Variants in LTBP4 observed in about 807,000 individuals in gnomAD.
LTBP4 encodes the protein latent transforming growth factor beta binding protein 4.
In LTBP4, 93 loss-of-function variants were observed where a neutral mutation model predicts 180.2. The observed-to-expected ratio is 0.52, with a 90% CI of 0.44 to 0.61. The LOEUF (loss-of-function observed/expected upper bound fraction) is 0.61. Ranked by LOEUF, LTBP4 falls within the 20% of genes least tolerant of loss-of-function variation. The pLI is 0.00. For synonymous variants in LTBP4, 947 were observed against 934.5 expected (o/e 1.01, Z -0.24); for missense variants, 2,116 against 2,256.5 (o/e 0.94, Z 1.26).
chr19:40,609,541 G>A lies in LTBP4; in HGVS notation c.1438G>A (p.Gly480Ser), dbSNP rs755624885. 1.9e-6 allele frequency: 3 copies of A among 1,613,014 alleles called. No homozygotes were observed. The highest frequency in any genetic ancestry group is 1.3e-5 in the African/African-American group (1 of 75,004). The change falls in exon 10 of 30, where the codon GGC (glycine) becomes AGC (serine). Residue 480 changes from glycine (G) to serine (S), a missense_variant. Around this residue, in one of 5 missense-constraint regions of LTBP4, gnomAD observed 877 missense variants for 873.6 expected, o/e 1.00. Transcript: ENST00000396819. The surrounding 1 kb of genome is among the most constrained non-coding windows in gnomAD (Gnocchi z 4.9). ...PEIPESGPSS[G>S]MCQRNPQVCG... ...ACTGGACCCCCCAGGTCCCTCCTCC[G>A]GCATGTGTCAGCGCAACCCCCAGGT... is the stretch of plus-strand genomic sequence containing the variant.
chr19:40,614,045 G>C lies in LTBP4; in HGVS notation c.2680+7G>C. ...GACCTCGCCTCCTGCCTCGGTGAGAGGCCCCGCCCCGGCCTGATCCCTCCT... is the reference window on the plus strand; with the variant it reads ...GACCTCGCCTCCTGCCTCGGTGAGACGCCCCGCCCCGGCCTGATCCCTCCT... On this transcript the variant is annotated splice_region_variant and intron_variant, in intron 18 of 29. Transcript: ENST00000396819. The C allele has an allele frequency of 6.2e-7, 1 of 1,611,552 alleles. No homozygotes were observed. The highest frequency in any genetic ancestry group is 8.5e-7 in the Non-Finnish European group (1 of 1,179,590).
chr19:40,610,101 T>A, intron 11 of LTBP4: 1 of 563,688 alleles, frequency 1.8e-6, no homozygotes, highest in Non-Finnish European at 3.0e-6. Flanking sequence ...CGGGGCCTGG[T>A]CGCAACTCGT....
In LTBP4 at chr19:40,601,403, C is replaced by G; in HGVS notation, c.16C>G (p.Arg6Gly). Reference sequence around the variant, plus strand: ...CGCTGCAGCCATGGCGGGCGGCGTGCGGCTGCTCTGGGTGTCGCTATTGGT... The same window carrying G: ...CGCTGCAGCCATGGCGGGCGGCGTGGGGCTGCTCTGGGTGTCGCTATTGGT... MAGGV[R>G]LLWVSLLVLL... is the part of the protein sequence containing the mutation. Residue 6 changes from arginine to glycine, a missense_variant, in exon 1 of 30, where the codon CGG (arginine) becomes GGG (glycine). Around this residue, in one of 5 missense-constraint regions of LTBP4, gnomAD observed 469 missense variants for 532.5 expected, o/e 0.88. Coordinates refer to ENST00000396819, the MANE Select transcript of LTBP4 (RefSeq NM_001042545.2). 7.5e-7 allele frequency: 1 copy of G among 1,334,516 alleles called. No homozygotes were observed. The highest frequency in any genetic ancestry group is 1.5e-5 in the African/African-American group (1 of 66,028). 82.7% of individuals were successfully genotyped at this position (1,334,516 alleles called of 1,614,324 possible). A position where few individuals can be genotyped will look rare whatever the true frequency, so the allele number is the denominator to read the frequency against.
intron 1 of LTBP4, among the ~76,000 whole-genome samples, chr19:40,602,552 G>A (rs1392076064): frequency 6.6e-6 from 1 of 152,096 alleles, no homozygotes; most frequent in Non-Finnish European, 1.5e-5. Flanking sequence ...CTGAGCCCCC[G>A]CCCGCTGCCA....
At chr19:40,610,005 C>T in intron 11 of LTBP4, 134 bp downstream of exon 11, 1 of 1,227,176 alleles carries the variant, frequency 8.1e-7, no homozygotes, top group African/African-American at 1.5e-5. Context: ...TGGCCCTTGG[C>T]CCTGCCCTTC....
At chr19:40,626,081 C>T (rs1412518382) in intron 27 of LTBP4, 72 bp downstream of exon 27, 2 of 1,472,202 alleles carry the variant, frequency 1.4e-6, no homozygotes, top group Admixed American at 2.5e-5. Flanking sequence ...CTCAGATCCC[C>T]AGTCGCAGAA....
Position 40,613,342 on chromosome 19 carries a change from T to TG in LTBP4, c.2432-59dup. 1 of 1,570,240 alleles carries TG rather than the reference T, an allele frequency of 6.4e-7. No individual in the cohort carries two copies. Among genetic ancestry groups the TG allele is most frequent in the Non-Finnish European group, 8.6e-7 (1 of 1,159,226 alleles). On this transcript the variant is annotated intron_variant, in intron 16 of 29. Coordinates refer to ENST00000396819, the MANE Select transcript of LTBP4 (RefSeq NM_001042545.2). The surrounding 1 kb of genome is among the most constrained non-coding windows in gnomAD (Gnocchi z 5.0). ...TGGTGGGGGCGGGGTTACTGCGATG[T>TG]GGGCGGAGCTTGTCTGGGAGGCCGG...
rs1181793408 is a variant in LTBP4 at position 40,605,863 on chromosome 19, A to C, written c.793+32A>C. 3.9e-6 allele frequency: 6 copies of C among 1,529,446 alleles called. No individual in the cohort carries two copies. Among genetic ancestry groups the C allele is most frequent in the Non-Finnish European group, 5.3e-6 (6 of 1,142,558 alleles). The allele number at this position is 1,529,446 out of a possible 1,614,324, so 94.7% of individuals were successfully genotyped here. A position where few individuals can be genotyped will look rare whatever the true frequency, so the allele number is the denominator to read the frequency against. On this transcript the variant is annotated intron_variant, in intron 4 of 29. Transcript: ENST00000396819. This position sits in a 1 kb window ranked among gnomAD's most constrained non-coding sequence, Gnocchi z 5.5. ...CCCAGGACGTCCCCGAAGTGCTCGGAGCTGGGGAGTGGTGACAACCTCACC... is the reference window on the plus strand; with the variant it reads ...CCCAGGACGTCCCCGAAGTGCTCGGCGCTGGGGAGTGGTGACAACCTCACC...
chr19:40,607,939 C>T (rs1328443645), intron 7 of LTBP4, among the ~76,000 whole-genome samples: 1 of 152,200 alleles, frequency 6.6e-6, no homozygotes, highest in Non-Finnish European at 1.5e-5. Context: ...CACAAGGGAG[C>T]TATTTCCTAG....
rs1483406955 is a variant in LTBP4 at position 40,622,456 on chromosome 19, GC to G, written c.3275del (p.Pro1092HisfsTer43). On this transcript the variant is annotated frameshift_variant, in exon 23 of 30. Coordinates refer to ENST00000396819, the MANE Select transcript of LTBP4 (RefSeq NM_001042545.2). LOFTEE classifies it high-confidence loss of function. This position sits in a 1 kb window ranked among gnomAD's most constrained non-coding sequence, Gnocchi z 5.1. ...CTGCTAGCCCCGTTCTGCCCGCCAG[GC>G]CACCTCCGCCACCCCTGCCCCGCCG... ...APASPVLPAR[P>X]PPPPLPRRPS... is the part of the protein sequence containing the mutation. 1 of 1,600,226 alleles carries G rather than the reference GC, an allele frequency of 6.2e-7. No individual in the cohort carries two copies. The highest frequency in any genetic ancestry group is 2.3e-5 in the East Asian group (1 of 44,360).
Position 40,606,457 on chromosome 19 carries a change from A to C in LTBP4, c.922A>C (p.Thr308Pro). The C allele has an allele frequency of 6.3e-7, 1 of 1,587,080 alleles. No homozygotes were observed. The highest frequency in any genetic ancestry group is 2.3e-5 in the East Asian group (1 of 43,352). ...CTGCCAGCACGGCGAGTGTGCAAAC[A>C]CGCGCGGCGGGTACACGTGTGTGTG... ...GRCQHGECAN[T>P]RGGYTCVCPD... The change falls in exon 6 of 30, where the codon ACG (threonine) becomes CCG (proline). Residue 308 changes from threonine to proline, a missense_variant. By Grantham distance (38) the Thr-to-Pro change is conservative (BLOSUM62 -1). Transcript: ENST00000396819.
At chr19:40,614,891 C>T (rs1434433609) in intron 19 of LTBP4, among the ~76,000 whole-genome samples, 4 of 152,198 alleles carry the variant, frequency 2.6e-5, no homozygotes, top group Non-Finnish European at 5.9e-5. Context: ...CCCTAGGCCC[C>T]ATTCTTTCCC....
chr19:40,595,320 C>T (rs971239228), intron 1 of LTBP4, among the ~76,000 whole-genome samples: 1 of 152,080 alleles, frequency 6.6e-6, no homozygotes, highest in Non-Finnish European at 1.5e-5. Context: ...ATGATCTTCT[C>T]AAAGAATTGA....
intron 19 of LTBP4, among the ~76,000 whole-genome samples, chr19:40,615,921 G>A (rs1164402762): frequency 6.6e-6 from 1 of 152,182 alleles, no homozygotes; most frequent in African/African-American, 2.4e-5. Context: ...ATAACATCAG[G>A]TTTAGGAAGG....
At chr19:40,623,377 G>A (rs1195957302) in intron 24 of LTBP4, among the ~76,000 whole-genome samples, 1 of 152,044 alleles carries the variant, frequency 6.6e-6, no homozygotes, top group Non-Finnish European at 1.5e-5. Context: ...GTTTCACCAT[G>A]TTGGCCAGAT....
chr19:40,611,027 G>T lies in LTBP4; in HGVS notation c.1811-125G>T. ...ATTGGTGGAGGATGCAGAGTCAGAT[G>T]ATGGTGACAAGGAGGAATAGAGATG... On this transcript the variant is annotated intron_variant, in intron 12 of 29. Coordinates refer to ENST00000396819, the MANE Select transcript of LTBP4 (RefSeq NM_001042545.2). This position sits in a 1 kb window ranked among gnomAD's most constrained non-coding sequence, Gnocchi z 4.4. 1 of 1,330,762 alleles carries T rather than the reference G, an allele frequency of 7.5e-7. No homozygotes were observed. Among genetic ancestry groups the T allele is most frequent in the South Asian group, 1.4e-5 (1 of 73,310 alleles). 82.4% of individuals were successfully genotyped at this position (1,330,762 alleles called of 1,614,324 possible).
Position 40,607,405 on chromosome 19 carries a change from C to G in LTBP4, c.1032C>G (p.Arg344=), listed in dbSNP as rs1568403925. Residue 344 remains arginine, a synonymous_variant, in exon 7 of 30, where the codon CGC becomes CGG. Transcript: ENST00000396819. ...VISEAKGPCF[R]VLRDGGCSLP... is the part of the protein sequence containing the mutation. ...CAGAGGCCAAAGGGCCCTGCTTCCGCGTGCTCCGCGACGGCGGCTGTTCGC... is the reference window on the plus strand; with the variant it reads ...CAGAGGCCAAAGGGCCCTGCTTCCGGGTGCTCCGCGACGGCGGCTGTTCGC... The G allele has an allele frequency of 6.2e-7, 1 of 1,613,144 alleles. No individual in the cohort carries two copies. Among genetic ancestry groups the G allele is most frequent in the Middle Eastern group, 1.7e-4 (1 of 6,060 alleles).
At position 40,622,567 on chromosome 19, in the gene LTBP4, C is replaced by T. The variant is rs1333514931; in HGVS notation, c.3384C>T (p.Asn1128=). The change falls in exon 23 of 30, where the codon AAC becomes AAT. Residue 1128 remains asparagine, a synonymous_variant. Coordinates refer to ENST00000396819, the MANE Select transcript of LTBP4 (RefSeq NM_001042545.2). The surrounding 1 kb of genome is among the most constrained non-coding windows in gnomAD (Gnocchi z 5.1). ...FDTAAPDACD[N]ILARNVTWQE... ...CAGCGGCCCCGGATGCATGTGACAACATCCTGGCTCGGAATGTGACATGGC... is the reference window on the plus strand; with the variant it reads ...CAGCGGCCCCGGATGCATGTGACAATATCCTGGCTCGGAATGTGACATGGC... 2 of 1,613,922 alleles carry T rather than the reference C, an allele frequency of 1.2e-6. No homozygotes were observed. The highest frequency in any genetic ancestry group is 8.5e-7 in the Non-Finnish European group (1 of 1,179,876).
chr19:40,610,593 AG>A lies in LTBP4; in HGVS notation c.1748del (p.Gly583AlafsTer161). The stretch of plus-strand genomic sequence containing the variant: ...ACCTCGGGCGCTGCGAGAACACGCC[AG>A]GCAGCTTCCTGTGCGTGTGCCCCGC... ...CDLGRCENTP[G>X]SFLCVCPAGY... On this transcript the variant is annotated frameshift_variant, in exon 12 of 30. Transcript: ENST00000396819. LOFTEE classifies it high-confidence loss of function. 6.3e-7 allele frequency: 1 copy of A among 1,590,530 alleles called. No homozygotes were observed. The highest frequency in any genetic ancestry group is 8.5e-7 in the Non-Finnish European group (1 of 1,174,988).
Sources: gnomAD v4.1 joint callset for allele counts (sites outside exome capture counted in the v4.1 genomes callset) on GRCh38, gnomAD v4.1.1 for gene constraint, gnomAD v4.1.1 regional missense constraint, Gnocchi (gnomAD v3.1) non-coding constraint, MANE v1.5 for transcripts, NCBI Gene and HGNC (gene_info 2026-07-23, HGNC 2026-07-21) for gene names.